The following UBE2QL1 variants were observed in gnomAD, a reference collection of about 807,000 sequenced individuals.
The protein encoded by UBE2QL1 is ubiquitin conjugating enzyme E2 QL1.
Under a neutral mutation model 12.6 loss-of-function variants are expected in UBE2QL1, and 5 were observed. The ratio of observed to expected loss-of-function variants is 0.40; its 90% CI spans 0.21 to 0.83. UBE2QL1 has a LOEUF of 0.83. UBE2QL1 is among the 40% of genes least tolerant of loss of function. The pLI is 0.37. For synonymous variants in UBE2QL1, 96 were observed against 94.5 expected, an observed-to-expected ratio of 1.02 and a Z score of -0.10; for missense variants, 99 against 222.6, an observed-to-expected ratio of 0.44 and a Z score of 3.53.
chr5:6,475,643 C>G (rs1734213231), intron 1 of UBE2QL1, among the ~76,000 whole-genome samples: 1 of 136,158 alleles, frequency 7.3e-6, no homozygotes, highest in Admixed American at 8.9e-5. Flanking sequence ...AACAAGAAAC[C>G]AGTGTGAGCC....
intron 1 of UBE2QL1, among the ~76,000 whole-genome samples, chr5:6,470,979 C>CT (rs1224462604): frequency 2.0e-5 from 3 of 152,204 alleles, no homozygotes; most frequent in Non-Finnish European, 4.4e-5. Flanking sequence ...GATGATTTCA[C>CT]TACTTCCCGA....
chr5:6,472,240 T>A (rs187687397), intron 1 of UBE2QL1, among the ~76,000 whole-genome samples: 1 of 152,156 alleles, frequency 6.6e-6, no homozygotes, highest in African/African-American at 2.4e-5. Flanking sequence ...TCCACTCCCC[T>A]GGGGATGCCA....
intron 1 of UBE2QL1, among the ~76,000 whole-genome samples, chr5:6,486,511 T>C (rs924847379): frequency 6.6e-6 from 1 of 152,196 alleles, no homozygotes; most frequent in Non-Finnish European, 1.5e-5. Context: ...CAGAAATCTT[T>C]CTGAACACAC....
At chr5:6,472,582 T>C (rs531739958) in intron 1 of UBE2QL1, among the ~76,000 whole-genome samples, 25 of 152,340 alleles carry the variant, frequency 1.6e-4, no homozygotes, top group Admixed American at 1.0e-3. Flanking sequence ...GTCTCTTCTT[T>C]AGACATCTGC....
intron 1 of UBE2QL1, among the ~76,000 whole-genome samples, chr5:6,451,905 A>G (rs1321750618): frequency 2.0e-5 from 3 of 152,232 alleles, no homozygotes; most frequent in Admixed American, 6.5e-5. Context: ...GAAAGCAATC[A>G]AAATACCTGA....
At chr5:6,470,987 C>T (rs766581497) in intron 1 of UBE2QL1, among the ~76,000 whole-genome samples, 4 of 152,168 alleles carry the variant, frequency 2.6e-5, no homozygotes, top group South Asian at 2.1e-4. Context: ...CACTACTTCC[C>T]GATCTCACTG....
At chr5:6,467,701 C>T (rs1233165088) in intron 1 of UBE2QL1, among the ~76,000 whole-genome samples, 1 of 152,106 alleles carries the variant, frequency 6.6e-6, no homozygotes, top group African/African-American at 2.4e-5. Context: ...GCTTTTGCCT[C>T]TCAGATGTCC....
At position 6,496,117 on chromosome 5, in the gene UBE2QL1, G is replaced by A. The variant is rs1252302841; in HGVS notation, c.*4768G>A. Among the ~76,000 whole-genome samples, 7 of 152,218 alleles carry A rather than the reference G, an allele frequency of 4.6e-5. No homozygotes were observed. Among genetic ancestry groups the A allele is most frequent in the Non-Finnish European group, 7.4e-5 (5 of 68,014 alleles). ...CAATGAGGGGGTCAGGTGCGAGGCCGTCCTCCCAGGTCAGTAAGGCCGCAT... is the reference window on the plus strand; with the variant it reads ...CAATGAGGGGGTCAGGTGCGAGGCCATCCTCCCAGGTCAGTAAGGCCGCAT... On this transcript the variant is annotated 3_prime_UTR_variant, in exon 2 of 2. Coordinates refer to ENST00000399816, the MANE Select transcript of UBE2QL1 (RefSeq NM_001145161.3).
At chr5:6,474,273 G>C (rs1231432666) in intron 1 of UBE2QL1, among the ~76,000 whole-genome samples, 1 of 152,242 alleles carries the variant, frequency 6.6e-6, no homozygotes, top group Non-Finnish European at 1.5e-5. Flanking sequence ...CCGTGCTTAG[G>C]AGGTTAACAA....
chr5:6,477,656 G>A (rs1379152102), intron 1 of UBE2QL1, among the ~76,000 whole-genome samples: 1 of 152,242 alleles, frequency 6.6e-6, no homozygotes, highest in South Asian at 2.1e-4. Context: ...CTGGCCTGGT[G>A]GAAGTGTCCA....
rs979904805 is a variant in UBE2QL1, at chr5:6,496,125, A to T, written c.*4776A>T. On this transcript the variant is annotated 3_prime_UTR_variant, in exon 2 of 2. Coordinates refer to ENST00000399816, the MANE Select transcript of UBE2QL1 (RefSeq NM_001145161.3). ...GGGTCAGGTGCGAGGCCGTCCTCCCAGGTCAGTAAGGCCGCATGGAGGGAT... is the reference window on the plus strand; with the variant it reads ...GGGTCAGGTGCGAGGCCGTCCTCCCTGGTCAGTAAGGCCGCATGGAGGGAT... Among the ~76,000 whole-genome samples the T allele has an allele frequency of 2.0e-5, 3 of 152,306 alleles. No homozygotes were observed. Among genetic ancestry groups the T allele is most frequent in the African/African-American group, 7.2e-5 (3 of 41,582 alleles).
intron 1 of UBE2QL1, among the ~76,000 whole-genome samples, chr5:6,488,048 T>A (rs987237834): frequency 2.1e-4 from 32 of 152,174 alleles, no homozygotes; most frequent in Admixed American, 1.3e-4. Flanking sequence ...AAAAAAAAAC[T>A]GTTAATTGTA....
chr5:6,460,759 G>A (rs1299685507), intron 1 of UBE2QL1, among the ~76,000 whole-genome samples: 2 of 152,252 alleles, frequency 1.3e-5, no homozygotes, highest in African/African-American at 4.8e-5. Flanking sequence ...AGAAAATTAT[G>A]TAGAAGAATA....
intron 1 of UBE2QL1, among the ~76,000 whole-genome samples, chr5:6,451,220 AAAC>A (rs1739406554): frequency 6.8e-6 from 1 of 146,856 alleles, no homozygotes; most frequent in Non-Finnish European, 1.5e-5. Context: ...AGATGCGAGA[AAAC>A]AAAGGTTTGA....
intron 1 of UBE2QL1, among the ~76,000 whole-genome samples, chr5:6,490,146 G>A (rs1300150144): frequency 1.3e-5 from 2 of 152,198 alleles, no homozygotes; most frequent in African/African-American, 4.8e-5. Context: ...GGAAGGAAAT[G>A]TGCCTCAGAG....
chr5:6,483,837 C>T (rs1734413603), intron 1 of UBE2QL1, among the ~76,000 whole-genome samples: 1 of 152,096 alleles, frequency 6.6e-6, no homozygotes, highest in Non-Finnish European at 1.5e-5. Context: ...GCCCCTCGTG[C>T]CCCACCACCC....
At chr5:6,489,686 C>T (rs950958110) in intron 1 of UBE2QL1, among the ~76,000 whole-genome samples, 3 of 152,360 alleles carry the variant, frequency 2.0e-5, no homozygotes, top group East Asian at 3.9e-4. Flanking sequence ...TGGGCACCGT[C>T]TGCCCAGTAG....
rs73038192 is a variant in UBE2QL1 at position 6,492,699 on chromosome 5, A to G, written c.*1350A>G. The G allele has an allele frequency of 2.5e-3, 374 of 152,384 alleles. 1 individual carries two copies. Among genetic ancestry groups the G allele is most frequent in the African/African-American group, 8.7e-3 (361 of 41,598 alleles). 9.4% of individuals were successfully genotyped at this position (152,384 alleles called of 1,614,324 possible). A position where few individuals can be genotyped will look rare whatever the true frequency, so the allele number is the denominator to read the frequency against. ...TGCAAATACTACAACATGTAATTCC[A>G]GAGCAGCGTTCTAAGTCAGGTACCA... is the stretch of plus-strand genomic sequence containing the variant. On this transcript the variant is annotated 3_prime_UTR_variant, in exon 2 of 2. Transcript: ENST00000399816.
At chr5:6,464,205 T>G (rs1384711678) in intron 1 of UBE2QL1, among the ~76,000 whole-genome samples, 1 of 152,198 alleles carries the variant, frequency 6.6e-6, no homozygotes, top group Non-Finnish European at 1.5e-5. Context: ...AGTGATGCTT[T>G]TGAGCTGTTG....
Sources: gnomAD v4.1 joint callset for allele counts (sites outside exome capture counted in the v4.1 genomes callset) on GRCh38, gnomAD v4.1.1 for gene constraint, MANE v1.5 for transcripts, NCBI Gene and HGNC (gene_info 2026-07-23, HGNC 2026-07-21) for gene names.